Variants in ARHGAP32 observed in about 807,000 individuals in gnomAD.
The protein encoded by ARHGAP32 is rho GTPase-activating protein 32.
A neutral mutation model predicts 186.5 loss-of-function variants in ARHGAP32; 51 were observed. The observed-to-expected ratio is 0.27, with a 90% CI of 0.22 to 0.35. The LOEUF (loss-of-function observed/expected upper bound fraction) is 0.35, where lower values mean the gene tolerates loss of function less well. ARHGAP32 is among the 10% of genes least tolerant of loss of function. The pLI, the probability that ARHGAP32 is intolerant of heterozygous loss-of-function variation, is 1.00. For missense variants in ARHGAP32, 2,186 were observed against 2,623.5 expected (o/e 0.83, Z 3.64); for synonymous variants, 950 against 964.3 (o/e 0.99, Z 0.27).
chr11:129,111,847 C>T (rs1458613272), intron 5 of ARHGAP32, among the ~76,000 whole-genome samples: 1 of 152,146 alleles, frequency 6.6e-6, no homozygotes, highest in Non-Finnish European at 1.5e-5. Context: ...CCACCAACTT[C>T]CACTTCCTGG....
intron 7 of ARHGAP32, among the ~76,000 whole-genome samples, chr11:129,065,534 G>GA (rs1310966155): frequency 6.6e-6 from 1 of 151,922 alleles, no homozygotes; most frequent in Non-Finnish European, 1.5e-5. Context: ...TAATCTGAGA[G>GA]AAAAAAATGA....
intron 1 of ARHGAP32, among the ~76,000 whole-genome samples, chr11:129,229,843 G>A (rs1057377260): frequency 2.0e-5 from 3 of 151,892 alleles, no homozygotes; most frequent in Non-Finnish European, 4.4e-5. Context: ...GGGGTGGGAG[G>A]CAGGGTCTCA....
chr11:129,247,594 C>T (rs1945118430), intron 1 of ARHGAP32, among the ~76,000 whole-genome samples: 1 of 152,084 alleles, frequency 6.6e-6, no homozygotes, highest in Admixed American at 6.5e-5. Flanking sequence ...GAAAAAAAGA[C>T]TTTCTTTTAC....
intron 10 of ARHGAP32, among the ~76,000 whole-genome samples, chr11:129,055,369 T>C (rs1004657738): frequency 6.6e-6 from 1 of 152,220 alleles, no homozygotes; most frequent in Admixed American, 6.5e-5. Flanking sequence ...TGGCAGACAG[T>C]GTTGTGGCTT....
chr11:129,108,031 G>A (rs1318670267), intron 5 of ARHGAP32, among the ~76,000 whole-genome samples: 1 of 151,994 alleles, frequency 6.6e-6, no homozygotes, highest in Non-Finnish European at 1.5e-5. Context: ...AAAATGAGAA[G>A]AGAATCAAAA....
intron 2 of ARHGAP32, among the ~76,000 whole-genome samples, chr11:129,127,178 T>A (rs1942681932): frequency 6.6e-6 from 1 of 152,024 alleles, no homozygotes; most frequent in African/African-American, 2.4e-5. Context: ...CAGCCTATAA[T>A]CCGAATGAGG....
At chr11:129,054,847 C>G (rs781634806) in intron 10 of ARHGAP32, among the ~76,000 whole-genome samples, 1 of 152,184 alleles carries the variant, frequency 6.6e-6, no homozygotes, top group Non-Finnish European at 1.5e-5. Context: ...TAATTTCACA[C>G]TTCCTACTCC....
chr11:129,276,128 C>A (rs959806377), intron 1 of ARHGAP32, among the ~76,000 whole-genome samples: 1 of 152,198 alleles, frequency 6.6e-6, no homozygotes, highest in Non-Finnish European at 1.5e-5. Flanking sequence ...TTTTAAAAAG[C>A]AGCAGCAGCA....
intron 1 of ARHGAP32, among the ~76,000 whole-genome samples, chr11:129,200,864 ATT>A: frequency 6.6e-6 from 1 of 152,164 alleles, no homozygotes; most frequent in Non-Finnish European, 1.5e-5. Flanking sequence ...TTATAGAAAA[ATT>A]GAAAAAAAAT....
chr11:129,160,996 C>T (rs114508986), intron 2 of ARHGAP32, among the ~76,000 whole-genome samples: 10,241 of 152,068 alleles, frequency 0.067, 403 homozygotes, highest in Middle Eastern at 0.082. Context: ...TTAGAAATAA[C>T]GCCACACATC....
chr11:128,987,878 CAG>C (rs1945923905), intron 13 of ARHGAP32, 143 bp downstream of exon 13: 2 of 620,778 alleles, frequency 3.2e-6, no homozygotes, highest in Non-Finnish European at 5.5e-6. Flanking sequence ...GAAAAGTATA[CAG>C]AGACAATAAC....
At chr11:129,011,527 T>C (rs1238657686) in intron 11 of ARHGAP32, among the ~76,000 whole-genome samples, 17 of 152,190 alleles carry the variant, frequency 1.1e-4, no homozygotes, top group African/African-American at 3.9e-4. Flanking sequence ...ATGAGAGGGG[T>C]AGGGAGCCAC....
intron 2 of ARHGAP32, among the ~76,000 whole-genome samples, chr11:129,147,588 T>C (rs1316100011): frequency 2.0e-5 from 3 of 152,176 alleles, no homozygotes; most frequent in Non-Finnish European, 2.9e-5. Context: ...ACTTGCCTTA[T>C]AGAAAAATGA....
At chr11:129,128,566 T>C (rs1458576831) in intron 2 of ARHGAP32, among the ~76,000 whole-genome samples, 2 of 152,154 alleles carry the variant, frequency 1.3e-5, no homozygotes, top group Admixed American at 6.5e-5. Context: ...TGATTAAAAA[T>C]ATTTCCCTCC....
At chr11:128,987,936 A>G (rs1398846355) in intron 13 of ARHGAP32, 87 bp downstream of exon 13, 1 of 839,180 alleles carries the variant, frequency 1.2e-6, no homozygotes, top group Non-Finnish European at 1.9e-6. Context: ...TAATGAAAAT[A>G]GGTTATCAAA....
intron 2 of ARHGAP32, among the ~76,000 whole-genome samples, chr11:129,134,931 G>A (rs541342966): frequency 1.3e-4 from 20 of 152,142 alleles, no homozygotes; most frequent in Non-Finnish European, 2.2e-4. Context: ...CCAAAACTAT[G>A]AGCAATAAAT....
chr11:129,018,667 T>C (rs917112817), intron 11 of ARHGAP32, among the ~76,000 whole-genome samples: 1 of 152,168 alleles, frequency 6.6e-6, no homozygotes, highest in East Asian at 1.9e-4. Flanking sequence ...TAAATTAGTG[T>C]AAGCTTAACC....
intron 1 of ARHGAP32, among the ~76,000 whole-genome samples, chr11:129,183,275 AT>A (rs1300676063): frequency 6.6e-6 from 1 of 152,138 alleles, no homozygotes; most frequent in Non-Finnish European, 1.5e-5. Context: ...AAAGTCCTCT[AT>A]ATCCACTACC....
chr11:129,100,106 G>C (rs748834849), intron 5 of ARHGAP32, among the ~76,000 whole-genome samples: 49 of 152,322 alleles, frequency 3.2e-4, no homozygotes, highest in Non-Finnish European at 5.7e-4. Flanking sequence ...TTAGAGAAGT[G>C]GTAGGGGCAG....
Sources: gnomAD v4.1 joint callset for allele counts (sites outside exome capture counted in the v4.1 genomes callset) on GRCh38, gnomAD v4.1.1 for gene constraint, MANE v1.5 for transcripts, NCBI Gene and HGNC (gene_info 2026-07-23, HGNC 2026-07-21) for gene names.